Variants in GRN observed in about 807,000 individuals in gnomAD.
GRN encodes granulin precursor.
In GRN, 30 loss-of-function variants were observed where a neutral mutation model predicts 66.7. The observed-to-expected ratio is 0.45, with a 90% CI of 0.34 to 0.61. The LOEUF (loss-of-function observed/expected upper bound fraction) is 0.61, where lower values mean the gene tolerates loss of function less well. Ranked by LOEUF, GRN falls within the 20% of genes least tolerant of loss-of-function variation. GRN has a pLI of 0.01. For missense variants in GRN, 731 were observed against 803.5 expected, an observed-to-expected ratio of 0.91 and a Z score of 1.09; for synonymous variants, 327 against 311.1, an observed-to-expected ratio of 1.05 and a Z score of -0.54.
rs796444381 is a variant in GRN, at chr17:44,351,864, C to G, written c.1179+69C>G. 5.1e-5 allele frequency: 79 copies of G among 1,546,758 alleles called. 2 individuals are homozygous for G. The Middle Eastern group carries it at 1.6e-3, about 32-fold the overall frequency. ...CCAAGCTCCTATTGCTTTCTGCCCT[C>G]CGCATAGCCCATAGGTGATACCCAG... On this transcript the variant is annotated intron_variant, in intron 10 of 12. Transcript: ENST00000053867.
In GRN at chr17:44,351,050, C is replaced by T; in HGVS notation, c.722C>T (p.Ser241Phe). 1 of 1,613,932 alleles carries T rather than the reference C, an allele frequency of 6.2e-7. No homozygotes were observed. The highest frequency in any genetic ancestry group is 1.1e-5 in the South Asian group (1 of 91,086). Residue 241 changes from serine (S) to phenylalanine (F), a missense_variant, in exon 8 of 13, where the codon TCC becomes TTC. This residue lies in a region of GRN where 370 missense variants were observed against 379.8 expected (regional missense o/e 0.97). Coordinates refer to ENST00000053867, the MANE Select transcript of GRN (RefSeq NM_002087.4). ...CCPMPNATCC[S>F]DHLHCCPQDT... ...GTCCCCACTCAGGCCACCTGCTGCTCCGATCACCTGCACTGCTGCCCCCAA... is the reference window on the plus strand; with the variant it reads ...GTCCCCACTCAGGCCACCTGCTGCTTCGATCACCTGCACTGCTGCCCCCAA...
rs1022228740 is a variant in GRN at position 44,349,525 on chromosome 17, A to T, written c.238A>T (p.Thr80Ser). Residue 80 changes from threonine to serine, a missense_variant, in exon 3 of 13, where the codon ACT becomes TCT. This residue lies in a region of GRN where 370 missense variants were observed against 379.8 expected (regional missense o/e 0.97). Coordinates refer to ENST00000053867, the MANE Select transcript of GRN (RefSeq NM_002087.4). ...CTCCTGCATCTTTACCGTCTCAGGG[A>T]CTTCCAGTTGCTGCCCCTTCCCAGA... ...GHSCIFTVSG[T>S]SSCCPFPEAV... The T allele has an allele frequency of 5.0e-6, 8 of 1,614,066 alleles. No homozygotes were observed. In the African/African-American group the frequency reaches 5.3e-5, roughly 11 times the overall value.
intron 12 of GRN, 27 bp from the exon 13 acceptor site, chr17:44,352,634 C>T (rs2143349689): frequency 6.2e-7 from 1 of 1,610,230 alleles, no homozygotes; most frequent in Non-Finnish European, 8.5e-7. Context: ...CCTCGTCCAA[C>T]CCTCTCGCCC....
Position 44,349,755 on chromosome 17 carries a change from C to T in GRN, c.349+4C>T. On this transcript the variant is annotated splice_donor_region_variant and intron_variant, in intron 4 of 12. Transcript: ENST00000053867. ...CGATCCTGCTTCCAAAGATCAGGTGCAGCTGGGGTGTGGGTGCAGGGCAGG... is the reference window on the plus strand; with the variant it reads ...CGATCCTGCTTCCAAAGATCAGGTGTAGCTGGGGTGTGGGTGCAGGGCAGG... 6.3e-7 allele frequency: 1 copy of T among 1,594,094 alleles called. No homozygotes were observed. Among genetic ancestry groups the T allele is most frequent in the Non-Finnish European group, 8.6e-7 (1 of 1,162,104 alleles).
intron 1 of GRN, among the ~76,000 whole-genome samples, chr17:44,347,135 G>C (rs903187514): frequency 2.0e-5 from 3 of 151,486 alleles, no homozygotes; most frequent in Non-Finnish European, 4.4e-5. Context: ...AAGAGAAAAA[G>C]AAAAAGAAAT....
At chr17:44,349,930 C>A in intron 4 of GRN, 179 bp downstream of exon 4, 4 of 645,486 alleles carry the variant, frequency 6.2e-6, no homozygotes, top group Non-Finnish European at 1.1e-5. Context: ...TAGGAGGGTG[C>A]GGGAGAAAGT....
In GRN at chr17:44,352,641, G is replaced by GC; in HGVS notation, c.1645-14dup. 2 of 1,609,806 alleles carry GC rather than the reference G, an allele frequency of 1.2e-6. No homozygotes were observed. Among genetic ancestry groups the GC allele is most frequent in the Non-Finnish European group, 8.5e-7 (1 of 1,179,984 alleles). On this transcript the variant is annotated intron_variant, in intron 12 of 12. Coordinates refer to ENST00000053867, the MANE Select transcript of GRN (RefSeq NM_002087.4). Reference sequence around the variant, plus strand: ...AGGTCCCACCTCGTCCAACCCTCTCGCCCCCCTCTGACCATCCAGGGCGTC... The same window carrying GC: ...AGGTCCCACCTCGTCCAACCCTCTCGCCCCCCCTCTGACCATCCAGGGCGTC...
rs372352654 is a variant in GRN, at chr17:44,352,849, C to T, written c.*51C>T. ...CCTCGGGACCCCACTCGGAGGGTGCCCTCTGCTCAGGCCTCCCTAGCACCT... is the reference window on the plus strand; with the variant it reads ...CCTCGGGACCCCACTCGGAGGGTGCTCTCTGCTCAGGCCTCCCTAGCACCT... On this transcript the variant is annotated 3_prime_UTR_variant, in exon 13 of 13. Transcript: ENST00000053867. 2.0e-4 allele frequency: 316 copies of T among 1,584,496 alleles called. 1 individual carries two copies. In the African/African-American group the frequency reaches 3.3e-3, roughly 16 times the overall value.
At chr17:44,347,080 G>C (rs1160204898) in intron 1 of GRN, among the ~76,000 whole-genome samples, 4 of 151,164 alleles carry the variant, frequency 2.6e-5, no homozygotes, top group Non-Finnish European at 5.9e-5. Flanking sequence ...TCGCGCCACT[G>C]TACTACAGCC....
chr17:44,351,772 TG>T lies in GRN; in HGVS notation c.1160del (p.Gly387AlafsTer25). The T allele has an allele frequency of 6.2e-7, 1 of 1,613,150 alleles. No homozygotes were observed. The highest frequency in any genetic ancestry group is 8.5e-7 in the Non-Finnish European group (1 of 1,179,868). On this transcript the variant is annotated frameshift_variant, in exon 10 of 13. Coordinates refer to ENST00000053867, the MANE Select transcript of GRN (RefSeq NM_002087.4). LOFTEE classifies it high-confidence loss of function. The part of the protein sequence containing the change: ...DTCCQLTSGE[W>X]GCCPIPEAVC... Reference sequence around the variant, plus strand: ...CTGCTGCCAACTCACGTCTGGGGAGTGGGGCTGCTGTCCAATCCCAGAGGTA... The same window carrying T: ...CTGCTGCCAACTCACGTCTGGGGAGTGGGCTGCTGTCCAATCCCAGAGGTA...
chr17:44,345,451 G>T (rs1187894614), intron 1 of GRN, 117 bp downstream of exon 1: 2 of 152,398 alleles, frequency 1.3e-5, no homozygotes, highest in East Asian at 3.9e-4. Flanking sequence ...ACCGCTTACT[G>T]AAACTCCTTG....
chr17:44,352,504 T>A lies in GRN; in HGVS notation c.1577T>A (p.Phe526Tyr). 6.2e-7 allele frequency: 1 copy of A among 1,613,266 alleles called. No homozygotes were observed. Among genetic ancestry groups the A allele is most frequent in the South Asian group, 1.1e-5 (1 of 91,040 alleles). The stretch of plus-strand genomic sequence containing the variant: ...GACGTGGAGTGTGGGGAAGGACACT[T>A]CTGCCATGATAACCAGACCTGCTGC... ...VKDVECGEGH[F>Y]CHDNQTCCRD... The change falls in exon 12 of 13, where the codon TTC (phenylalanine) becomes TAC (tyrosine). Residue 526 changes from phenylalanine to tyrosine, a missense_variant. By Grantham distance (22) the Phe-to-Tyr change is conservative. Around this residue, in one of 3 missense-constraint regions of GRN, gnomAD observed 319 missense variants for 347.2 expected, o/e 0.92. Coordinates refer to ENST00000053867, the MANE Select transcript of GRN (RefSeq NM_002087.4).
rs1205840205 is a variant in GRN, at chr17:44,350,594, G to A, written c.598+17G>A. ...ACAGGGCAGGTGAGGAGGTGGGAGA[G>A]CATCAGGCCAGGGGCTGGGGCGGGG... is the stretch of plus-strand genomic sequence containing the variant. On this transcript the variant is annotated intron_variant, in intron 6 of 12. Coordinates refer to ENST00000053867, the MANE Select transcript of GRN (RefSeq NM_002087.4). The A allele has an allele frequency of 5.6e-6, 9 of 1,613,338 alleles. No homozygotes were observed. The African/African-American group carries it at 9.3e-5, about 17-fold the overall frequency.
chr17:44,351,562 G>A lies in GRN; in HGVS notation c.946G>A (p.Glu316Lys). The part of the protein sequence containing the change: ...CCPFTQAVCC[E>K]DHIHCCPAGF... Reference sequence around the variant, plus strand: ...TCATCTGCCCTAGGCTGTGTGCTGTGAGGACCACATACACTGCTGTCCCGC... The same window carrying A: ...TCATCTGCCCTAGGCTGTGTGCTGTAAGGACCACATACACTGCTGTCCCGC... Residue 316 changes from glutamate (E) to lysine (K), a missense_variant, in exon 10 of 13, where the codon GAG becomes AAG. Around this residue, in one of 3 missense-constraint regions of GRN, gnomAD observed 42 missense variants for 76.6 expected, o/e 0.55. Coordinates refer to ENST00000053867, the MANE Select transcript of GRN (RefSeq NM_002087.4). The A allele has an allele frequency of 6.2e-7, 1 of 1,614,074 alleles. No homozygotes were observed. The highest frequency in any genetic ancestry group is 8.5e-7 in the Non-Finnish European group (1 of 1,179,958).
rs1382434096 is a variant in GRN at position 44,351,384 on chromosome 17, T to C, written c.857T>C (p.Met286Thr). 6.2e-6 allele frequency: 10 copies of C among 1,611,216 alleles called. No individual in the cohort carries two copies. The highest frequency in any genetic ancestry group is 7.6e-6 in the Non-Finnish European group (9 of 1,178,564). Residue 286 changes from methionine (M) to threonine (T), a missense_variant, in exon 9 of 13, where the codon ATG (methionine) becomes ACG (threonine). Around this residue, in one of 3 missense-constraint regions of GRN, gnomAD observed 42 missense variants for 76.6 expected, o/e 0.55. Coordinates refer to ENST00000053867, the MANE Select transcript of GRN (RefSeq NM_002087.4). ...ACAGTGGGGGATGTGAAATGTGACA[T>C]GGAGGTGAGCTGCCCAGATGGCTAT... ...AHTVGDVKCDMEVSCPDGYTC... is the reference protein window; with the variant it reads ...AHTVGDVKCDTEVSCPDGYTC...
chr17:44,347,829 G>A (rs2048336671), intron 1 of GRN, among the ~76,000 whole-genome samples: 1 of 150,912 alleles, frequency 6.6e-6, no homozygotes, highest in South Asian at 2.1e-4. Context: ...GCGAGCGCCT[G>A]TAGTCCCAGC....
intron 1 of GRN, among the ~76,000 whole-genome samples, chr17:44,345,917 G>T (rs992711322): frequency 2.6e-5 from 4 of 152,196 alleles, no homozygotes; most frequent in African/African-American, 9.7e-5. Context: ...GAGTTGGGGG[G>T]TGCCACCTAG....
Position 44,349,726 on chromosome 17 carries a change from C to T in GRN, c.324C>T (p.Asp108=), listed in dbSNP as rs578182427. 1.6e-5 allele frequency: 26 copies of T among 1,610,388 alleles called. No individual in the cohort carries two copies. The highest frequency in any genetic ancestry group is 1.7e-4 in the Middle Eastern group (1 of 6,054). The change falls in exon 4 of 13, where the codon GAC becomes GAT. Residue 108 remains aspartate (D), a synonymous_variant. Transcript: ENST00000053867. ...CCPRGFHCSA[D]GRSCFQRSGN... ...CACGGGGCTTCCACTGCAGTGCAGACGGGCGATCCTGCTTCCAAAGATCAG... is the reference window on the plus strand; with the variant it reads ...CACGGGGCTTCCACTGCAGTGCAGATGGGCGATCCTGCTTCCAAAGATCAG...
intron 10 of GRN, 22 bp from the exon 11 acceptor site, chr17:44,351,990 ACGC>A (rs755527275): frequency 3.8e-6 from 6 of 1,585,646 alleles, no homozygotes; most frequent in Non-Finnish European, 5.2e-6. Flanking sequence ...GCTACCTACA[ACGC>A]CCTTTCCTGC....
Sources: allele counts gnomAD v4.1 joint callset (sites outside exome capture counted in the v4.1 genomes callset), GRCh38; gene constraint gnomAD v4.1.1; regional missense constraint gnomAD v4.1.1; transcripts MANE v1.5; gene names NCBI Gene and HGNC (gene_info 2026-07-23, HGNC 2026-07-21).